Variants in KTN1 observed in about 807,000 individuals in gnomAD.
KTN1 encodes kinectin.
Under a neutral mutation model 222.5 loss-of-function variants are expected in KTN1, and 130 were observed. The observed-to-expected ratio is 0.58, with a 90% CI of 0.51 to 0.68. The LOEUF is 0.68. Among genes scored for constraint, KTN1 ranks in the 30% least tolerant of loss-of-function variants. KTN1 has a pLI of 0.00. For missense variants in KTN1, 1,508 were observed against 1,500.4 expected (o/e 1.01, Z -0.08); for synonymous variants, 512 against 496.3 (o/e 1.03, Z -0.42).
At chr14:55,672,416 A>G (rs1309659885) in intron 37 of KTN1, 1 of 443,616 alleles carries the variant, frequency 2.3e-6, no homozygotes, top group Non-Finnish European at 4.0e-6. Context: ...AATCACTTTT[A>G]GCCGAGCCTA....
chr14:55,672,770 C>A, intron 38 of KTN1, 69 bp downstream of exon 38: 5 of 1,167,484 alleles, frequency 4.3e-6, no homozygotes, highest in Non-Finnish European at 6.4e-6. Context: ...GTCTGAAGAT[C>A]TATAGTTTAA....
chr14:55,606,691 A>T (rs1012878348), intron 1 of KTN1, among the ~76,000 whole-genome samples: 1 of 152,226 alleles, frequency 6.6e-6, no homozygotes, highest in African/African-American at 2.4e-5. Flanking sequence ...AACAATTCTT[A>T]TGTTTATGTA....
At chr14:55,606,437 A>C (rs975362344) in intron 1 of KTN1, among the ~76,000 whole-genome samples, 1 of 151,914 alleles carries the variant, frequency 6.6e-6, no homozygotes, top group Non-Finnish European at 1.5e-5. Flanking sequence ...TGATTTGTTA[A>C]GTTTTTGCTA....
chr14:55,631,343 TATATATATA>T (rs983373558), intron 7 of KTN1, among the ~76,000 whole-genome samples: 100 of 99,022 alleles, frequency 1.0e-3, no homozygotes, highest in Non-Finnish European at 1.5e-3. Flanking sequence ...ATAAGGTTGA[TATATATATA>T]TATATATATA....
chr14:55,607,495 G>A (rs568751738), intron 1 of KTN1: 1 of 152,138 alleles, frequency 6.6e-6, no homozygotes, highest in South Asian at 2.1e-4. Context: ...TGAGAAAGCG[G>A]GTCAGTATCT....
chr14:55,675,708 C>A, intron 40 of KTN1, 127 bp from the exon 41 acceptor site: 1 of 575,328 alleles, frequency 1.7e-6, no homozygotes, highest in Non-Finnish European at 3.1e-6. Context: ...TCTGGTGCAG[C>A]ATATTGGCTA....
intron 37 of KTN1, 120 bp from the exon 38 acceptor site, chr14:55,672,508 CTT>C (rs2045537616): frequency 6.6e-6 from 4 of 606,708 alleles, no homozygotes; most frequent in Non-Finnish European, 1.2e-5. Flanking sequence ...AAATTCATCT[CTT>C]TTAAATGAGA....
rs766176819 is a variant in KTN1 at position 55,616,649 on chromosome 14, A to G, written c.656A>G (p.Glu219Gly). 1 of 1,591,796 alleles carries G rather than the reference A, an allele frequency of 6.3e-7. No homozygotes were observed. Among genetic ancestry groups the G allele is most frequent in the Non-Finnish European group, 8.5e-7 (1 of 1,174,184 alleles). ...GCTTCATCAAAGAAACAAAAGACAG[A>G]AAATGGTGAGATGTTTAGATATGTA... ...KKASSKKQKTENVFVDEPLIH... is the reference protein window; with the variant it reads ...KKASSKKQKTGNVFVDEPLIH... Residue 219 changes from glutamate (E) to glycine (G), a missense_variant, in exon 3 of 44, where the codon GAA becomes GGA. Glu to Gly is a moderately conservative substitution (Grantham distance 98, BLOSUM62 -2). Coordinates refer to ENST00000395314, the MANE Select transcript of KTN1 (RefSeq NM_001079521.2).
At chr14:55,668,266 C>T (rs1188525916) in intron 34 of KTN1, 3 of 151,694 alleles carry the variant, frequency 2.0e-5, no homozygotes, top group Middle Eastern at 3.4e-3. Context: ...AATCAGGATC[C>T]GAATAAGGTC....
At chr14:55,598,001 A>G (rs1188517497) in intron 1 of KTN1, among the ~76,000 whole-genome samples, 2 of 152,224 alleles carry the variant, frequency 1.3e-5, no homozygotes, top group Non-Finnish European at 2.9e-5. Flanking sequence ...CTAATTTCAT[A>G]TGGCTTTGTA....
intron 5 of KTN1, among the ~76,000 whole-genome samples, chr14:55,626,599 G>A (rs1057440365): frequency 1.3e-5 from 2 of 151,378 alleles, no homozygotes; most frequent in African/African-American, 2.4e-5. Flanking sequence ...GTTTTGTTTT[G>A]TTTCATTTTA....
chr14:55,674,983 G>T (rs138145341), intron 40 of KTN1: 74 of 152,256 alleles, frequency 4.9e-4, no homozygotes, highest in African/African-American at 1.6e-3. Context: ...TACTTACATA[G>T]AATTCCTCAG....
In KTN1 at chr14:55,612,132, C is replaced by A; in HGVS notation, c.84C>A (p.Phe28Leu). ...ITVIFLFFWL[F>L]MKETLYDEVL... ...TAATTTTCCTCTTCTTCTGGCTTTTCATGAAAGAAACATTATATGATGAAG... is the reference window on the plus strand; with the variant it reads ...TAATTTTCCTCTTCTTCTGGCTTTTAATGAAAGAAACATTATATGATGAAG... Residue 28 changes from phenylalanine to leucine, a missense_variant, in exon 2 of 44, where the codon TTC becomes TTA. Coordinates refer to ENST00000395314, the MANE Select transcript of KTN1 (RefSeq NM_001079521.2). 3 of 1,568,164 alleles carry A rather than the reference C, an allele frequency of 1.9e-6. No homozygotes were observed. The highest frequency in any genetic ancestry group is 2.6e-6 in the Non-Finnish European group (3 of 1,165,134).
intron 3 of KTN1, among the ~76,000 whole-genome samples, chr14:55,616,911 C>G (rs1001077448): frequency 3.9e-5 from 6 of 152,158 alleles, no homozygotes; most frequent in South Asian, 2.1e-4. Flanking sequence ...ATTCTTAACT[C>G]AGTTTTGAAA....
At position 55,632,172 on chromosome 14, in the gene KTN1, A is replaced by G. The variant is rs145346472; in HGVS notation, c.1222-1063A>G. 3.9e-4 allele frequency among the ~76,000 whole-genome samples: 60 copies of G among 152,300 alleles called. 1 individual carries two copies. Among genetic ancestry groups the G allele is most frequent in the African/African-American group, 1.4e-3 (58 of 41,562 alleles). ...TGAAGAACTGATTTTCCTAGCCTCAAGTGATCTTTTCTTCTTAATTCCTAA... is the reference window on the plus strand; with the variant it reads ...TGAAGAACTGATTTTCCTAGCCTCAGGTGATCTTTTCTTCTTAATTCCTAA... On this transcript the variant is annotated intron_variant, in intron 7 of 43. Transcript: ENST00000395314.
intron 18 of KTN1, among the ~76,000 whole-genome samples, chr14:55,645,715 C>T (rs929863378): frequency 1.3e-5 from 2 of 151,970 alleles, no homozygotes; most frequent in African/African-American, 4.8e-5. Flanking sequence ...AAGTTTTTTC[C>T]TGTGCCTCCT....
intron 29 of KTN1, chr14:55,656,469 T>G (rs1023005916): frequency 3.9e-5 from 7 of 179,454 alleles, no homozygotes; most frequent in Non-Finnish European, 6.9e-5. Context: ...ATCATTTATT[T>G]TATTTTTATT....
chr14:55,588,018 G>C (rs1255754863), intron 1 of KTN1, among the ~76,000 whole-genome samples: 1 of 151,994 alleles, frequency 6.6e-6, no homozygotes, highest in Non-Finnish European at 1.5e-5. Context: ...GCTGACCTTT[G>C]GACAATGTGG....
At chr14:55,580,912 G>A (rs533482998) in intron 1 of KTN1, among the ~76,000 whole-genome samples, 33 of 152,310 alleles carry the variant, frequency 2.2e-4, no homozygotes, top group African/African-American at 7.9e-4. Context: ...CTTCCCCGGC[G>A]CCCCTCCCGC....
Sources: allele counts gnomAD v4.1 joint callset (sites outside exome capture counted in the v4.1 genomes callset), GRCh38; gene constraint gnomAD v4.1.1; transcripts MANE v1.5; gene names NCBI Gene and HGNC (gene_info 2026-07-23, HGNC 2026-07-21).